BAZ2B: variants seen among roughly 807,000 people sequenced by gnomAD.
The protein encoded by BAZ2B is bromodomain adjacent to zinc finger domain protein 2B.
Under a neutral mutation model 246.0 loss-of-function variants are expected in BAZ2B, and 91 were observed. The ratio of observed to expected loss-of-function variants is 0.37; its 90% confidence interval spans 0.31 to 0.44. The LOEUF is 0.44. Among genes scored for constraint, BAZ2B ranks in the 20% least tolerant of loss-of-function variants. The probability of loss-of-function intolerance (pLI) is 1.00; values close to 1 mark genes in which losing one functional copy is unlikely to be tolerated. For synonymous variants in BAZ2B, 855 were observed against 860.0 expected (o/e 0.99, Z 0.10); for missense variants, 2,332 against 2,533.7 (o/e 0.92, Z 1.71).
intron 27 of BAZ2B, among the ~76,000 whole-genome samples, chr2:159,372,730 T>C (rs954008840): frequency 6.6e-6 from 1 of 152,136 alleles, no homozygotes; most frequent in African/African-American, 2.4e-5. Flanking sequence ...TATTGGGAAG[T>C]TTGACAATGG....
In BAZ2B at chr2:159,332,532, G is replaced by T; in HGVS notation, c.5943+8C>A. 6.2e-7 allele frequency: 1 copy of T among 1,606,222 alleles called. No homozygotes were observed. The highest frequency in any genetic ancestry group is 8.5e-7 in the Non-Finnish European group (1 of 1,176,936). On this transcript the variant is annotated splice_region_variant and intron_variant, in intron 34 of 36. Transcript: ENST00000392783. ...AAAATGAAAAGTTTAGTTTTAGATT[G>T]GTCTTACCTTAGCAATGCAAGCTGG...
At chr2:159,549,017 C>T (rs928694531) in intron 2 of BAZ2B, among the ~76,000 whole-genome samples, 6 of 152,100 alleles carry the variant, frequency 3.9e-5, no homozygotes, top group Admixed American at 6.6e-5. Flanking sequence ...CGGTGGCTCA[C>T]GCCTGTAATC....
chr2:159,512,920 C>T (rs2083076289), intron 2 of BAZ2B, among the ~76,000 whole-genome samples: 1 of 152,104 alleles, frequency 6.6e-6, no homozygotes, highest in Non-Finnish European at 1.5e-5. Flanking sequence ...TTAAAAAAGA[C>T]AACTCCTTGT....
chr2:159,448,370 G>C lies in BAZ2B; in HGVS notation c.374C>G (p.Thr125Arg), dbSNP rs755550639. ...TAATGGTGGAAAGAAGGTTGCTCCT[G>C]TACGAGTATGAGCATCAGTTGTTCG... ...WWRTTDAHTR[T>R]GATFFPPLLG... Residue 125 changes from threonine (T) to arginine (R), a missense_variant, in exon 5 of 37, where the codon ACA becomes AGA. Physicochemically the swap from Thr to Arg is moderately conservative, Grantham distance 71 (BLOSUM62 -1). Around this residue, in one of 9 missense-constraint regions of BAZ2B, gnomAD observed 242 missense variants for 237.4 expected, o/e 1.02. Coordinates refer to ENST00000392783, the MANE Select transcript of BAZ2B (RefSeq NM_013450.4). 1 of 1,608,688 alleles carries C rather than the reference G, an allele frequency of 6.2e-7. No individual in the cohort carries two copies. The highest frequency in any genetic ancestry group is 8.5e-7 in the Non-Finnish European group (1 of 1,178,646).
the BAZ2B span, among the ~76,000 whole-genome samples, chr2:159,645,877 T>G: frequency 3.9e-5 from 6 of 152,026 alleles, no homozygotes; most frequent in African/African-American, 1.2e-4. Flanking sequence ...ACAGAGATCA[T>G]GTACTTCACA....
At chr2:159,651,777 T>C in the BAZ2B span, among the ~76,000 whole-genome samples, 1 of 152,194 alleles carries the variant, frequency 6.6e-6, no homozygotes, top group Non-Finnish European at 1.5e-5. Flanking sequence ...CCACATATTT[T>C]ATATAAATGG....
At chr2:159,429,337 T>C (rs2070640763) in intron 10 of BAZ2B, 77 bp from the exon 11 acceptor site, 1 of 856,284 alleles carries the variant, frequency 1.2e-6, no homozygotes, top group Non-Finnish European at 1.7e-6. Context: ...GAAACTTTTC[T>C]TTAAAAAAGT....
chr2:159,623,108 GGGAAGGGAGA>G, the BAZ2B span, among the ~76,000 whole-genome samples: 2 of 149,970 alleles, frequency 1.3e-5, no homozygotes, highest in Non-Finnish European at 3.0e-5. Flanking sequence ...GGAGAGGGAA[GGGAAGGGAGA>G]GGAAGGGAGA....
intron 1 of BAZ2B, among the ~76,000 whole-genome samples, chr2:159,587,450 A>C (rs1688313594): frequency 6.6e-6 from 1 of 152,100 alleles, no homozygotes; most frequent in African/African-American, 2.4e-5. Context: ...CAATACCTGA[A>C]CTTTAAGCCT....
downstream of BAZ2B, among the ~76,000 whole-genome samples, chr2:159,315,681 T>A (rs925079421): frequency 6.6e-6 from 1 of 152,192 alleles, no homozygotes; most frequent in Admixed American, 6.5e-5. Context: ...CCATATTAGG[T>A]TGGTCACAAA....
chr2:159,551,966 A>AC (rs2088314053), intron 2 of BAZ2B, among the ~76,000 whole-genome samples: 1 of 152,198 alleles, frequency 6.6e-6, no homozygotes, highest in African/African-American at 2.4e-5. Flanking sequence ...TGGGTCTTAG[A>AC]CTAAGAAACT....
chr2:159,522,163 G>T (rs931973616), intron 2 of BAZ2B, among the ~76,000 whole-genome samples: 50 of 152,028 alleles, frequency 3.3e-4, no homozygotes, highest in African/African-American at 1.1e-3. Flanking sequence ...TTTTCTTAAA[G>T]ATTTATGATT....
intron 2 of BAZ2B, among the ~76,000 whole-genome samples, chr2:159,508,596 G>A (rs985864316): frequency 7.1e-5 from 9 of 126,722 alleles, no homozygotes; most frequent in African/African-American, 2.4e-4. Flanking sequence ...AATTGCCTCA[G>A]AGGTTTGCCA....
intron 13 of BAZ2B, among the ~76,000 whole-genome samples, chr2:159,420,172 C>T (rs535717914): frequency 6.6e-6 from 1 of 152,160 alleles, no homozygotes; most frequent in African/African-American, 2.4e-5. Flanking sequence ...CAAATTCAGG[C>T]TTTCAACTTC....
the BAZ2B span, among the ~76,000 whole-genome samples, chr2:159,627,877 T>C: frequency 6.6e-6 from 1 of 152,154 alleles, no homozygotes; most frequent in Middle Eastern, 3.2e-3. Context: ...GGAAGTCAAA[T>C]TGTCAATGTT....
chr2:159,533,164 T>A (rs888474527), intron 2 of BAZ2B, among the ~76,000 whole-genome samples: 3 of 152,338 alleles, frequency 2.0e-5, no homozygotes, highest in Non-Finnish European at 2.9e-5. Flanking sequence ...TAAGTTTTGA[T>A]TATTTGAAGC....
At chr2:159,351,481 C>A (rs1470151216) in intron 27 of BAZ2B, among the ~76,000 whole-genome samples, 1 of 151,372 alleles carries the variant, frequency 6.6e-6, no homozygotes, top group African/African-American at 2.4e-5. Flanking sequence ...AAATAAATTC[C>A]TAAAAAAAAA....
Position 159,385,273 on chromosome 2 carries a change from G to T in BAZ2B, c.3568C>A (p.Gln1190Lys). ...TTCAGACTTTCAGTAAGCTCAGTTT[G>T]TCCACAGTGGGCTTCCATAAATATC... The part of the protein sequence containing the change: ...LQIFMEAHCG[Q>K]TELTESLKTK... Residue 1190 changes from glutamine (Q) to lysine (K), a missense_variant, in exon 23 of 37, where the codon CAA (glutamine) becomes AAA (lysine). Around this residue, in one of 9 missense-constraint regions of BAZ2B, gnomAD observed 328 missense variants for 410.4 expected, o/e 0.80. Coordinates refer to ENST00000392783, the MANE Select transcript of BAZ2B (RefSeq NM_013450.4). 6.2e-7 allele frequency: 1 copy of T among 1,613,480 alleles called. No individual in the cohort carries two copies. The highest frequency in any genetic ancestry group is 8.5e-7 in the Non-Finnish European group (1 of 1,179,658).
chr2:159,387,576 T>C (rs964084960), intron 21 of BAZ2B, among the ~76,000 whole-genome samples: 1 of 152,144 alleles, frequency 6.6e-6, no homozygotes, highest in Admixed American at 6.6e-5. Context: ...CTATAGATAA[T>C]AGCTCATCTC....
Sources: allele counts gnomAD v4.1 joint callset (sites outside exome capture counted in the v4.1 genomes callset), GRCh38; gene constraint gnomAD v4.1.1; regional missense constraint gnomAD v4.1.1; transcripts MANE v1.5; gene names NCBI Gene and HGNC (gene_info 2026-07-23, HGNC 2026-07-21).